Variants in SH3RF1 observed in about 807,000 individuals in gnomAD.
SH3RF1 encodes E3 ubiquitin-protein ligase SH3RF1.
In SH3RF1, 32 loss-of-function variants were observed where a neutral mutation model predicts 74.0. The ratio of observed to expected loss-of-function variants is 0.43; its 90% CI spans 0.33 to 0.58. The LOEUF (loss-of-function observed/expected upper bound fraction) is 0.58. Among genes scored for constraint, SH3RF1 ranks in the 20% least tolerant of loss-of-function variants. SH3RF1 has a pLI of 0.05. For synonymous variants in SH3RF1, 396 were observed against 439.6 expected (o/e 0.90, Z 1.24); for missense variants, 954 against 1,130.9 (o/e 0.84, Z 2.24).
At chr4:169,247,286 A>T (rs1342723211) in intron 2 of SH3RF1, among the ~76,000 whole-genome samples, 8 of 152,220 alleles carry the variant, frequency 5.3e-5, no homozygotes. Flanking sequence ...TAAACAGGAG[A>T]GGCAGACACA....
At chr4:169,140,744 A>T (rs1484434508) in intron 4 of SH3RF1, among the ~76,000 whole-genome samples, 2 of 152,152 alleles carry the variant, frequency 1.3e-5, no homozygotes, top group Non-Finnish European at 2.9e-5. Context: ...AAGAGAAAAA[A>T]TTTTTTAATA....
chr4:169,175,342 G>C (rs1052539576), intron 2 of SH3RF1, among the ~76,000 whole-genome samples: 3 of 151,964 alleles, frequency 2.0e-5, no homozygotes, highest in Non-Finnish European at 4.4e-5. Flanking sequence ...CCTTCCTGTG[G>C]CTCCCAAGGC....
At chr4:169,152,016 A>G (rs1733984462) in intron 4 of SH3RF1, among the ~76,000 whole-genome samples, 1 of 152,220 alleles carries the variant, frequency 6.6e-6, no homozygotes, top group East Asian at 1.9e-4. Flanking sequence ...TTTACAGAAA[A>G]CTAGTGTTTT....
At chr4:169,268,355 C>A (rs1449859009) in intron 2 of SH3RF1, among the ~76,000 whole-genome samples, 1 of 152,132 alleles carries the variant, frequency 6.6e-6, no homozygotes, top group Admixed American at 6.5e-5. Flanking sequence ...ATTCATAAAA[C>A]CAATAGAATG....
chr4:169,152,801 C>T (rs10049685), intron 4 of SH3RF1, among the ~76,000 whole-genome samples: 1 of 152,184 alleles, frequency 6.6e-6, no homozygotes, highest in Non-Finnish European at 1.5e-5. Flanking sequence ...TATCACCTTA[C>T]TCCAGTGCAC....
intron 2 of SH3RF1, among the ~76,000 whole-genome samples, chr4:169,233,199 A>AG (rs1730770781): frequency 6.7e-6 from 1 of 148,750 alleles, no homozygotes; most frequent in Non-Finnish European, 1.5e-5. Context: ...CAGTGAGCCA[A>AG]GGTCATGCCA....
Position 169,135,090 on chromosome 4 carries a change from T to C in SH3RF1, c.1068+1228A>G, listed in dbSNP as rs556474871. On this transcript the variant is annotated intron_variant, in intron 5 of 11. Coordinates refer to ENST00000284637, the MANE Select transcript of SH3RF1 (RefSeq NM_020870.4). ...TGGCTCATACTTGTAATCCCACCAC[T>C]TTGGGAGGCCCAGGTAGGATGTTCA... Among the ~76,000 whole-genome samples the C allele has an allele frequency of 3.0e-4, 46 of 152,208 alleles. 1 individual carries two copies. The South Asian group carries it at 9.5e-3, about 32-fold the overall frequency.
intron 4 of SH3RF1, among the ~76,000 whole-genome samples, chr4:169,147,804 C>T (rs1198301942): frequency 2.0e-5 from 3 of 152,132 alleles, no homozygotes; most frequent in Non-Finnish European, 2.9e-5. Flanking sequence ...CACACACATG[C>T]TGGACCAGTA....
At chr4:169,204,518 C>T (rs544655442) in intron 2 of SH3RF1, among the ~76,000 whole-genome samples, 131 of 151,500 alleles carry the variant, frequency 8.6e-4, no homozygotes, top group African/African-American at 2.9e-3. Flanking sequence ...ATTACACTAA[C>T]TCTTACCTGG....
intron 2 of SH3RF1, among the ~76,000 whole-genome samples, chr4:169,173,705 G>A (rs1427963856): frequency 2.0e-5 from 3 of 152,154 alleles, no homozygotes; most frequent in Admixed American, 6.6e-5. Flanking sequence ...TTAGCTTACT[G>A]AGCTTGTGAA....
intron 2 of SH3RF1, among the ~76,000 whole-genome samples, chr4:169,265,985 A>T (rs4692702): frequency 0.95 from 144,238 of 152,220 alleles, 68,832 homozygotes; most frequent in East Asian, 1. Context: ...CTTAGGCCAT[A>T]GACAGGTATC....
chr4:169,099,548 G>A (rs996742072), intron 11 of SH3RF1, among the ~76,000 whole-genome samples: 4 of 152,122 alleles, frequency 2.6e-5, no homozygotes, highest in Non-Finnish European at 5.9e-5. Context: ...TTAAGGCAAA[G>A]CTTTATAATT....
chr4:169,255,622 T>TACACAC (rs56229906), intron 2 of SH3RF1, among the ~76,000 whole-genome samples: 10,012 of 124,572 alleles, frequency 0.08, 515 homozygotes, highest in East Asian at 0.13. Flanking sequence ...CATACACACA[T>TACACAC]ACACACACAC....
At chr4:169,211,450 C>T (rs1730364975) in intron 2 of SH3RF1, among the ~76,000 whole-genome samples, 1 of 148,946 alleles carries the variant, frequency 6.7e-6, no homozygotes, top group Admixed American at 6.7e-5. Context: ...CCACTGTACT[C>T]CAGCCTGGGC....
At chr4:169,174,801 T>C (rs939616141) in intron 2 of SH3RF1, among the ~76,000 whole-genome samples, 2 of 152,056 alleles carry the variant, frequency 1.3e-5, no homozygotes, top group African/African-American at 4.8e-5. Context: ...GTCAGAAGCA[T>C]ACGGATTTTG....
At chr4:169,131,167 G>A (rs1454459064) in intron 5 of SH3RF1, among the ~76,000 whole-genome samples, 1 of 152,150 alleles carries the variant, frequency 6.6e-6, no homozygotes, top group Non-Finnish European at 1.5e-5. Flanking sequence ...ACTGGGGTAG[G>A]CCCGACCAAA....
intron 2 of SH3RF1, among the ~76,000 whole-genome samples, chr4:169,175,596 A>G (rs1454637624): frequency 2.0e-5 from 3 of 152,060 alleles, no homozygotes; most frequent in Non-Finnish European, 2.9e-5. Context: ...TTATCCCACA[A>G]TAGCCTCAAC....
At chr4:169,151,510 T>C (rs1490128883) in intron 4 of SH3RF1, among the ~76,000 whole-genome samples, 1 of 152,180 alleles carries the variant, frequency 6.6e-6, no homozygotes, top group East Asian at 1.9e-4. Flanking sequence ...TTTCTCCCAC[T>C]ATGGCACCAG....
intron 2 of SH3RF1, among the ~76,000 whole-genome samples, chr4:169,191,812 T>C (rs372839460): frequency 3.3e-5 from 5 of 152,082 alleles, no homozygotes; most frequent in East Asian, 1.9e-4. Context: ...TTTCAACAAA[T>C]GGTGCTGTGA....
Sources: allele counts gnomAD v4.1 joint callset (sites outside exome capture counted in the v4.1 genomes callset), GRCh38; gene constraint gnomAD v4.1.1; transcripts MANE v1.5; gene names NCBI Gene and HGNC (gene_info 2026-07-23, HGNC 2026-07-21).